RLIM: variants seen among roughly 807,000 people sequenced by gnomAD.
RLIM encodes E3 ubiquitin-protein ligase RLIM.
RLIM carries 2 observed loss-of-function variants against 34.0 expected under a neutral mutation model. The ratio of observed to expected loss-of-function variants is 0.06; its 90% CI spans 0.02 to 0.19. The LOEUF is 0.19. Among genes scored for constraint, RLIM ranks in the 10% least tolerant of loss-of-function variants. The pLI is 1.00. For synonymous variants in RLIM, 169 were observed against 164.0 expected (o/e 1.03, Z -0.23); for missense variants, 286 against 479.7 (o/e 0.60, Z 3.77).
Position 74,583,651 on chromosome X carries a change from A to G in RLIM, c.*7789T>C, listed in dbSNP as rs1931273948. ...AAGGTACACTTAAACTGCTAAAATG[A>G]TAGTTCATGTTATTCATAGTGCTAA... is the stretch of plus-strand genomic sequence containing the variant. On this transcript the variant is annotated 3_prime_UTR_variant, in exon 4 of 4. Transcript: ENST00000332687. 1.9e-5 allele frequency: 8 copies of G among 412,821 alleles called. No individual in the cohort carries two copies. Among genetic ancestry groups the G allele is most frequent in the Admixed American group, 4.1e-5 (1 of 24,305 alleles). The allele number at this position is 412,821 out of a possible 1,213,427, so 34.0% of individuals were successfully genotyped here.
At position 74,583,487 on chromosome X, in the gene RLIM, A is replaced by T; in HGVS notation, c.*7953T>A. ...TATACTGTGGAACGGTGCGGACAGC[A>T]GGAGTAGCTGCAGCAGCTGTAGCTG... On this transcript the variant is annotated 3_prime_UTR_variant, in exon 4 of 4. Transcript: ENST00000332687. The T allele has an allele frequency of 3.1e-6, 2 of 644,239 alleles. No homozygotes were observed. Among genetic ancestry groups the T allele is most frequent in the Non-Finnish European group, 5.3e-6 (2 of 377,112 alleles). 53.1% of individuals were successfully genotyped at this position (644,239 alleles called of 1,213,427 possible).
At chrX:74,598,213 G>A (rs1044218072) in intron 1 of RLIM, among the ~76,000 whole-genome samples, 4 of 111,906 alleles carry the variant, frequency 3.6e-5, no homozygotes, top group African/African-American at 1.3e-4. Context: ...AGACCCCAAT[G>A]TAAGCACAAA....
At chrX:74,594,557 G>A (rs772104639) in intron 2 of RLIM, among the ~76,000 whole-genome samples, 168 bp from the exon 3 acceptor site, 2 of 111,701 alleles carry the variant, frequency 1.8e-5, no homozygotes, top group African/African-American at 6.5e-5. Context: ...GGTAGGTCCT[G>A]GGAAAAATTC....
intron 1 of RLIM, among the ~76,000 whole-genome samples, chrX:74,609,700 A>G (rs1356269167): frequency 9.1e-6 from 1 of 110,102 alleles, no homozygotes; most frequent in African/African-American, 3.3e-5. Flanking sequence ...AAGGGTTTAC[A>G]CTTGTACTGA....
intron 1 of RLIM, among the ~76,000 whole-genome samples, chrX:74,604,127 AT>A (rs2056909644): frequency 1.8e-5 from 2 of 109,263 alleles, no homozygotes; most frequent in Non-Finnish European, 3.8e-5. Flanking sequence ...AAAAAAAAAA[AT>A]CATTTCAACA....
chrX:74,588,314 T>C lies in RLIM; in HGVS notation c.*3126A>G, dbSNP rs912827678. 5 of 110,417 alleles carry C rather than the reference T, an allele frequency of 4.5e-5. No homozygotes were observed. Among genetic ancestry groups the C allele is most frequent in the African/African-American group, 1.7e-4 (5 of 30,273 alleles). The allele number at this position is 110,417 out of a possible 1,213,427, so 9.1% of individuals were successfully genotyped here. ...GTGAAGTCCCCATCTCTACTAAAAATATAAAAACTAGCCAGGTGTGGTGGC... is the reference window on the plus strand; with the variant it reads ...GTGAAGTCCCCATCTCTACTAAAAACATAAAAACTAGCCAGGTGTGGTGGC... On this transcript the variant is annotated 3_prime_UTR_variant, in exon 4 of 4. Coordinates refer to ENST00000332687, the MANE Select transcript of RLIM (RefSeq NM_016120.4).
chrX:74,601,461 A>G (rs1169731739), intron 1 of RLIM, among the ~76,000 whole-genome samples: 1 of 112,032 alleles, frequency 8.9e-6, no homozygotes. Context: ...AAACATGTAG[A>G]AGACAGTATG....
At position 74,593,007 on chromosome X, in the gene RLIM, T is replaced by G; in HGVS notation, c.308A>C (p.Asn103Thr). 4 of 1,208,662 alleles carry G rather than the reference T, an allele frequency of 3.3e-6. No individual in the cohort carries two copies. The highest frequency in any genetic ancestry group is 4.5e-6 in the Non-Finnish European group (4 of 892,776). Residue 103 changes from asparagine to threonine, a missense_variant, in exon 4 of 4, where the codon AAC (asparagine) becomes ACC (threonine). Physicochemically the swap from Asn to Thr is moderately conservative, Grantham distance 65. Around this residue, in one of 6 missense-constraint regions of RLIM, gnomAD observed 8 missense variants for 34.0 expected, o/e 0.24. Coordinates refer to ENST00000332687, the MANE Select transcript of RLIM (RefSeq NM_016120.4). ...TGTATTTCCAGTTTGTCTGACAGAG[T>G]TAAGCCAGTCTATTATAGAGTCACC... ...SNGDSIIDWL[N>T]SVRQTGNTTR...
At chrX:74,606,368 A>C (rs1207860213) in intron 1 of RLIM, among the ~76,000 whole-genome samples, 1 of 111,741 alleles carries the variant, frequency 8.9e-6, no homozygotes, top group East Asian at 2.8e-4. Flanking sequence ...CAGTAAGTTT[A>C]ATTCTGGGGA....
At chrX:74,611,292 C>T (rs2079709643) in intron 1 of RLIM, among the ~76,000 whole-genome samples, 1 of 111,588 alleles carries the variant, frequency 9.0e-6, no homozygotes, top group African/African-American at 3.3e-5. Flanking sequence ...CCACCATGGC[C>T]ATGGAAAAAT....
At chrX:74,602,766 G>A (rs929079161) in intron 1 of RLIM, among the ~76,000 whole-genome samples, 3 of 110,588 alleles carry the variant, frequency 2.7e-5, no homozygotes, top group South Asian at 3.8e-4. Context: ...AGTGAAACAC[G>A]AGTGAGAAGC....
rs1256472107 is a variant in RLIM at position 74,589,194 on chromosome X, T to G, written c.*2246A>C. 1.8e-5 allele frequency: 2 copies of G among 111,755 alleles called. No individual in the cohort carries two copies. Among genetic ancestry groups the G allele is most frequent in the Non-Finnish European group, 3.8e-5 (2 of 53,224 alleles). 9.2% of individuals were successfully genotyped at this position (111,755 alleles called of 1,213,427 possible). On this transcript the variant is annotated 3_prime_UTR_variant, in exon 4 of 4. Coordinates refer to ENST00000332687, the MANE Select transcript of RLIM (RefSeq NM_016120.4). Reference sequence around the variant, plus strand: ...ACCTGTTGTCAATAACTTTCTCTTATGCTTAGAATGTGCTGCAATTGTTTT... The same window carrying G: ...ACCTGTTGTCAATAACTTTCTCTTAGGCTTAGAATGTGCTGCAATTGTTTT...
In RLIM at chrX:74,609,487, CAAAAAAAAAA is replaced by C. The variant is rs752008137; in HGVS notation, c.-24+4925_-24+4934del. Among the ~76,000 whole-genome samples, 38 of 32,789 alleles carry C rather than the reference CAAAAAAAAAA, an allele frequency of 1.2e-3. No individual in the cohort carries two copies. The South Asian group carries it at 0.012, about 10-fold the overall frequency. 28.5% of individuals were successfully genotyped at this position (32,789 alleles called of 115,157 possible). A position where few individuals can be genotyped will look rare whatever the true frequency, so the allele number is the denominator to read the frequency against. Reference sequence around the variant, plus strand: ...TGGGCGACAGAGCGAGACTCCGTTTCAAAAAAAAAAAAAAAAAAAAAAAAAAAAAATTAAA... The same window carrying C: ...TGGGCGACAGAGCGAGACTCCGTTTCAAAAAAAAAAAAAAAAAAAATTAAA... On this transcript the variant is annotated intron_variant, in intron 1 of 3. Transcript: ENST00000332687.
Position 74,591,615 on chromosome X carries a change from AATGC to A in RLIM, c.1696_1699del (p.Ala566Ter), listed in dbSNP as rs1305626439. On this transcript the variant is annotated frameshift_variant, in exon 4 of 4. Transcript: ENST00000332687. LOFTEE classifies it high-confidence loss of function. ...TGTAATGCAAACACTACAGGTTTTTAATGCATCATTTTCACCAAAACTTCTCATT... is the reference window on the plus strand; with the variant it reads ...TGTAATGCAAACACTACAGGTTTTTAATCATTTTCACCAAAACTTCTCATT... 1 of 1,210,169 alleles carries A rather than the reference AATGC, an allele frequency of 8.3e-7. No homozygotes were observed.
At chrX:74,593,142 G>T in intron 3 of RLIM, 81 bp from the exon 4 acceptor site, 1 of 971,137 alleles carries the variant, frequency 1.0e-6, no homozygotes, top group Non-Finnish European at 1.4e-6. Flanking sequence ...CTGAAACTCT[G>T]CATTAAATAA....
intron 3 of RLIM, among the ~76,000 whole-genome samples, chrX:74,593,336 G>C (rs1157757357): frequency 1.8e-5 from 2 of 112,262 alleles, no homozygotes; most frequent in Non-Finnish European, 3.8e-5. Context: ...ATCATATACA[G>C]AGCCAAGCAT....
chrX:74,587,176 A>C lies in RLIM; in HGVS notation c.*4264T>G, dbSNP rs2079591502. 1 of 112,369 alleles carries C rather than the reference A, an allele frequency of 8.9e-6. No individual in the cohort carries two copies. The highest frequency in any genetic ancestry group is 9.5e-5 in the Admixed American group (1 of 10,552). The allele number at this position is 112,369 out of a possible 1,213,427, so 9.3% of individuals were successfully genotyped here. A position where few individuals can be genotyped will look rare whatever the true frequency, so the allele number is the denominator to read the frequency against. On this transcript the variant is annotated 3_prime_UTR_variant, in exon 4 of 4. Transcript: ENST00000332687. ...TTTTTTCCAAATGAAGTATGCTGTC[A>C]ATTTACATTTTTCATGTTTTTTCAA...
intron 1 of RLIM, among the ~76,000 whole-genome samples, chrX:74,613,537 G>A (rs1424560052): frequency 9.1e-6 from 1 of 109,992 alleles, no homozygotes; most frequent in East Asian, 2.9e-4. Flanking sequence ...GGGAAAAAGG[G>A]ACCGAGTATT....
At chrX:74,600,123 A>G (rs1265875094) in intron 1 of RLIM, among the ~76,000 whole-genome samples, 3 of 110,444 alleles carry the variant, frequency 2.7e-5, no homozygotes, top group African/African-American at 9.9e-5. Flanking sequence ...TGGGGGGGAG[A>G]TCATAATATT....
Sources: allele counts gnomAD v4.1 joint callset (sites outside exome capture counted in the v4.1 genomes callset), GRCh38; gene constraint gnomAD v4.1.1; regional missense constraint gnomAD v4.1.1; transcripts MANE v1.5; gene names NCBI Gene and HGNC (gene_info 2026-07-23, HGNC 2026-07-21).